The following JAZF1 variants were observed in gnomAD, a reference collection of about 807,000 sequenced individuals.
JAZF1 encodes the protein JAZF zinc finger 1.
Under a neutral mutation model 26.4 loss-of-function variants are expected in JAZF1, and 8 were observed. The ratio of observed to expected loss-of-function variants is 0.30; its 90% CI spans 0.18 to 0.55. The LOEUF (loss-of-function observed/expected upper bound fraction) is 0.55, where lower values mean the gene tolerates loss of function less well. Among genes scored for constraint, JAZF1 ranks in the 20% least tolerant of loss-of-function variants. JAZF1 has a pLI of 0.94. For synonymous variants in JAZF1, 126 were observed against 122.3 expected (o/e 1.03, Z -0.20); for missense variants, 199 against 322.0 (o/e 0.62, Z 2.92).
Position 27,948,488 on chromosome 7 carries a change from C to G in JAZF1, c.188+43421G>C, listed in dbSNP as rs112863629. The stretch of plus-strand genomic sequence containing the variant: ...CCCCTTTCCCACTGTGCCACAATGC[C>G]TATGGAAAATGAGACCAAATCAAAA... On this transcript the variant is annotated intron_variant, in intron 2 of 4. Coordinates refer to ENST00000283928, the MANE Select transcript of JAZF1 (RefSeq NM_175061.4). Among the ~76,000 whole-genome samples, 961 of 152,170 alleles carry G rather than the reference C, an allele frequency of 6.3e-3. 4 individuals are homozygous for G. The highest frequency in any genetic ancestry group is 0.01 in the Non-Finnish European group (710 of 67,990).
At chr7:28,060,936 A>G (rs1783787826) in intron 1 of JAZF1, among the ~76,000 whole-genome samples, 2 of 152,214 alleles carry the variant, frequency 1.3e-5, no homozygotes, top group African/African-American at 4.8e-5. Context: ...AGTACAATTG[A>G]AAAAAATCTC....
intron 3 of JAZF1, among the ~76,000 whole-genome samples, chr7:27,891,624 C>A (rs1485815879): frequency 6.6e-6 from 1 of 151,646 alleles, no homozygotes; most frequent in Non-Finnish European, 1.5e-5. Context: ...GCCAAGAGTT[C>A]AAGACCAGCC....
chr7:27,993,921 C>T (rs1337620018), intron 1 of JAZF1, among the ~76,000 whole-genome samples: 1 of 152,068 alleles, frequency 6.6e-6, no homozygotes. Context: ...GAAAAGAGGC[C>T]CATAAACATT....
At chr7:27,965,918 A>T (rs1785267468) in intron 2 of JAZF1, among the ~76,000 whole-genome samples, 1 of 152,224 alleles carries the variant, frequency 6.6e-6, no homozygotes, top group Admixed American at 6.5e-5. Flanking sequence ...TGAGCAATGC[A>T]ACCACTGCAT....
At chr7:28,117,017 T>A (rs770278065) in intron 1 of JAZF1, among the ~76,000 whole-genome samples, 8 of 152,018 alleles carry the variant, frequency 5.3e-5, no homozygotes, top group Non-Finnish European at 1.0e-4. Context: ...AGAGGCAGGG[T>A]TTCACCATGT....
intron 2 of JAZF1, among the ~76,000 whole-genome samples, chr7:27,905,075 A>C (rs1156864067): frequency 2.6e-5 from 4 of 152,258 alleles, no homozygotes; most frequent in South Asian, 4.2e-4. Flanking sequence ...CTGGGACTAC[A>C]GGGATGCACT....
intron 2 of JAZF1, among the ~76,000 whole-genome samples, chr7:27,953,102 C>T (rs575947453): frequency 5.1e-4 from 77 of 152,292 alleles, no homozygotes; most frequent in Admixed American, 7.8e-4. Flanking sequence ...TTTGATGATG[C>T]CTCAAGTTTT....
chr7:28,007,877 T>A (rs1027767971), intron 1 of JAZF1, among the ~76,000 whole-genome samples: 2 of 152,196 alleles, frequency 1.3e-5, no homozygotes, highest in African/African-American at 2.4e-5. Context: ...ATTACTAGCA[T>A]TCCCCACTAG....
intron 2 of JAZF1, among the ~76,000 whole-genome samples, chr7:27,990,629 C>T (rs531581652): frequency 3.1e-4 from 47 of 152,180 alleles, no homozygotes; most frequent in East Asian, 9.7e-4. Context: ...CTATTCAATA[C>T]CATAATTAAT....
chr7:28,133,429 GAA>G (rs750615246), intron 1 of JAZF1, among the ~76,000 whole-genome samples: 137 of 152,312 alleles, frequency 9.0e-4, no homozygotes, highest in Non-Finnish European at 1.6e-3. Context: ...GTCTCTAGAT[GAA>G]AAGAGATGAT....
At chr7:27,961,981 G>A (rs1312581032) in intron 2 of JAZF1, among the ~76,000 whole-genome samples, 1 of 152,202 alleles carries the variant, frequency 6.6e-6, no homozygotes, top group Non-Finnish European at 1.5e-5. Flanking sequence ...CACTAGTGGT[G>A]AGTAACCTTT....
chr7:28,101,277 T>C (rs185758330), intron 1 of JAZF1, among the ~76,000 whole-genome samples: 1 of 152,214 alleles, frequency 6.6e-6, no homozygotes, highest in African/African-American at 2.4e-5. Flanking sequence ...GTTTTAGCTC[T>C]TGCTGTATAC....
At chr7:28,049,799 A>G (rs1214686429) in intron 1 of JAZF1, among the ~76,000 whole-genome samples, 1 of 152,192 alleles carries the variant, frequency 6.6e-6, no homozygotes, top group Non-Finnish European at 1.5e-5. Context: ...GAGGCACTGG[A>G]CGAGCTATGG....
At position 28,009,813 on chromosome 7, in the gene JAZF1, A is replaced by C. The variant is rs1782769825; in HGVS notation, c.116-17832T>G. Among the ~76,000 whole-genome samples the C allele has an allele frequency of 1.3e-5, 2 of 152,208 alleles. 1 individual carries two copies. Among genetic ancestry groups the C allele is most frequent in the South Asian group, 4.1e-4 (2 of 4,834 alleles). On this transcript the variant is annotated intron_variant, in intron 1 of 4. Transcript: ENST00000283928. ...CACCATTGCGTTTTTTAAAAATGTT[A>C]TGACAACCCATTAAATTGATGTTGT...
intron 1 of JAZF1, among the ~76,000 whole-genome samples, chr7:28,166,580 A>T (rs1461224690): frequency 1.3e-5 from 2 of 152,236 alleles, no homozygotes; most frequent in East Asian, 3.8e-4. Flanking sequence ...TTGTTGCAAC[A>T]TGTAATAATT....
intron 1 of JAZF1, among the ~76,000 whole-genome samples, chr7:28,176,127 A>T (rs919563635): frequency 3.3e-5 from 5 of 152,240 alleles, no homozygotes; most frequent in African/African-American, 1.2e-4. Context: ...ACTCACAACA[A>T]GAAACCTGTT....
At chr7:28,153,133 C>G (rs1482824054) in intron 1 of JAZF1, among the ~76,000 whole-genome samples, 2 of 152,084 alleles carry the variant, frequency 1.3e-5, no homozygotes, top group Non-Finnish European at 2.9e-5. Context: ...CCACTATGGC[C>G]CTATGAGCAG....
chr7:28,172,352 A>T (rs1292396739), intron 1 of JAZF1, among the ~76,000 whole-genome samples: 1 of 152,196 alleles, frequency 6.6e-6, no homozygotes, highest in Admixed American at 6.5e-5. Context: ...TTTCTTTCAC[A>T]TATGAGCCAT....
At chr7:28,110,285 G>C (rs1784621348) in intron 1 of JAZF1, among the ~76,000 whole-genome samples, 1 of 151,788 alleles carries the variant, frequency 6.6e-6, no homozygotes, top group African/African-American at 2.4e-5. Context: ...AATTAGCTGG[G>C]TGTGGTGGTG....
Sources: allele counts gnomAD v4.1 joint callset (sites outside exome capture counted in the v4.1 genomes callset), GRCh38; gene constraint gnomAD v4.1.1; transcripts MANE v1.5; gene names NCBI Gene and HGNC (gene_info 2026-07-23, HGNC 2026-07-21).